The following ADAMTS17 variants were observed in gnomAD, a reference collection of about 807,000 sequenced individuals.
ADAMTS17 encodes the protein A disintegrin and metalloproteinase with thrombospondin motifs 17.
A neutral mutation model predicts 141.5 loss-of-function variants in ADAMTS17; 113 were observed. That is an observed-to-expected ratio of 0.80 (90% confidence interval 0.69 to 0.93). ADAMTS17 has a LOEUF of 0.93. Among genes scored for constraint, ADAMTS17 ranks in the 40% least tolerant of loss-of-function variants. ADAMTS17 has a pLI of 0.00. For synonymous variants in ADAMTS17, 768 were observed against 630.6 expected (o/e 1.22, Z -3.27); for missense variants, 1,659 against 1,517.9 (o/e 1.09, Z -1.54).
chr15:99,982,912 AG>A (rs1476601534), intron 20 of ADAMTS17, among the ~76,000 whole-genome samples: 1 of 152,114 alleles, frequency 6.6e-6, no homozygotes, highest in Non-Finnish European at 1.5e-5. Flanking sequence ...CCAGGCAGGG[AG>A]GGGGTGTCAC....
chr15:100,226,068 G>A (rs1351131269), intron 7 of ADAMTS17, among the ~76,000 whole-genome samples: 1 of 150,910 alleles, frequency 6.6e-6, no homozygotes, highest in Non-Finnish European at 1.5e-5. Context: ...AGCAGTCACG[G>A]TCTCTGTGCC....
In ADAMTS17 at chr15:99,993,132, G is replaced by A. The variant is rs746354760; in HGVS notation, c.2865C>T (p.Cys955=). Residue 955 remains cysteine (C), a synonymous_variant, in exon 20 of 22, where the codon TGC becomes TGT. Coordinates refer to ENST00000268070, the MANE Select transcript of ADAMTS17 (RefSeq NM_139057.4). This position sits in a 1 kb window ranked among gnomAD's most constrained non-coding sequence, Gnocchi z 4.3. ...TVACTNSQGK[C]DASTRPRAEE... The stretch of plus-strand genomic sequence containing the variant: ...CGGCTCTCGGCCTCGTGGATGCGTC[G>A]CATTTCCCTTGTGAGTTGGTGCACG... 33 of 1,613,962 alleles carry A rather than the reference G, an allele frequency of 2.0e-5. No homozygotes were observed. The highest frequency in any genetic ancestry group is 1.6e-4 in the Middle Eastern group (1 of 6,084).
intron 2 of ADAMTS17, among the ~76,000 whole-genome samples, chr15:100,334,266 T>A (rs1468422226): frequency 6.6e-6 from 1 of 152,164 alleles, no homozygotes; most frequent in East Asian, 1.9e-4. Context: ...AAAATGCAGT[T>A]AAGATAACAG....
chr15:99,971,550 T>C lies in ADAMTS17; in HGVS notation c.*2852A>G, dbSNP rs981963339. 15 of 152,372 alleles carry C rather than the reference T, an allele frequency of 9.8e-5. No individual in the cohort carries two copies. Among genetic ancestry groups the C allele is most frequent in the African/African-American group, 3.4e-4 (14 of 41,586 alleles). 9.4% of individuals were successfully genotyped at this position (152,372 alleles called of 1,614,324 possible). On this transcript the variant is annotated 3_prime_UTR_variant, in exon 22 of 22. Transcript: ENST00000268070. ...TCCAATGTTTGTCTTCCGTTTTTTT[T>C]CCTTTCAAAACCAGCCCCAAAAAGT...
intron 18 of ADAMTS17, among the ~76,000 whole-genome samples, chr15:100,008,620 A>C (rs2061088475): frequency 6.6e-6 from 1 of 152,208 alleles, no homozygotes; most frequent in African/African-American, 2.4e-5. Context: ...GGATTATGGC[A>C]TCCTGACAAG....
chr15:100,184,398 G>A (rs1193354669), intron 8 of ADAMTS17, among the ~76,000 whole-genome samples: 1 of 152,202 alleles, frequency 6.6e-6, no homozygotes, highest in Non-Finnish European at 1.5e-5. Flanking sequence ...GGGGCCCCTG[G>A]CCAGTGAGCC....
At position 100,026,736 on chromosome 15, in the gene ADAMTS17, C is replaced by A. The variant is rs555541698; in HGVS notation, c.2591+22121G>T. 3.9e-5 allele frequency among the ~76,000 whole-genome samples: 6 copies of A among 152,330 alleles called. No individual in the cohort carries two copies. The East Asian group carries it at 9.6e-4, about 24-fold the overall frequency. ...TTAAGTCCCTATTAAATGTTTCTTT[C>A]TAAGAAATTGGATTTGTCAGCCTCT... On this transcript the variant is annotated intron_variant, in intron 18 of 21. Transcript: ENST00000268070.
At chr15:100,075,254 A>G (rs1471163478) in intron 15 of ADAMTS17, among the ~76,000 whole-genome samples, 4 of 152,138 alleles carry the variant, frequency 2.6e-5, no homozygotes, top group Admixed American at 2.6e-4. Flanking sequence ...TAATTCCTAT[A>G]GTTGTTTTAG....
chr15:100,140,488 CATAT>C lies in ADAMTS17; in HGVS notation c.1474-7177_1474-7174del, dbSNP rs60035034. Among the ~76,000 whole-genome samples the C allele has an allele frequency of 1.3e-3, 163 of 124,616 alleles. 4 individuals are homozygous for C. The highest frequency in any genetic ancestry group is 2.5e-3 in the African/African-American group (90 of 35,314). 81.8% of individuals were successfully genotyped at this position (124,616 alleles called of 152,430 possible). On this transcript the variant is annotated intron_variant, in intron 10 of 21. Transcript: ENST00000268070. ...ACACACAGACACACACACATACATA[CATAT>C]ATATATATATATATATCCAGTAAAG...
chr15:100,120,385 G>C (rs1213773969), intron 12 of ADAMTS17, among the ~76,000 whole-genome samples: 1 of 152,208 alleles, frequency 6.6e-6, no homozygotes, highest in African/African-American at 2.4e-5. Context: ...TCTGGAGTCA[G>C]GGTGAGCAGT....
intron 20 of ADAMTS17, among the ~76,000 whole-genome samples, chr15:99,987,459 T>C (rs552811012): frequency 2.6e-4 from 39 of 152,336 alleles, no homozygotes; most frequent in African/African-American, 9.4e-4. Context: ...GCACTTTGTC[T>C]GCTGCCTTCA....
chr15:100,151,591 C>A (rs1370848725), intron 10 of ADAMTS17, among the ~76,000 whole-genome samples: 1 of 152,176 alleles, frequency 6.6e-6, no homozygotes, highest in Non-Finnish European at 1.5e-5. Flanking sequence ...GCTGGAATAG[C>A]CCTCCCTCAG....
rs547463513 is a variant in ADAMTS17, at chr15:100,333,823, C to CCTA, written c.451-2770_451-2769insTAG. ...ACTAGCTATGAGCCTGTGCCTTAGA[C>CCTA]ACAAGAGGCCTGCAACCGTCCTCCA... On this transcript the variant is annotated intron_variant, in intron 2 of 21. Transcript: ENST00000268070. 1.4e-4 allele frequency among the ~76,000 whole-genome samples: 21 copies of CCTA among 152,330 alleles called. No homozygotes were observed. The East Asian group carries it at 2.1e-3, about 15-fold the overall frequency.
At chr15:100,281,520 G>A in intron 3 of ADAMTS17, 119 bp from the exon 4 acceptor site, 2 of 1,325,800 alleles carry the variant, frequency 1.5e-6, no homozygotes, top group Non-Finnish European at 2.1e-6. Flanking sequence ...AGGCCTAGAG[G>A]GGCCCAGCAC....
chr15:100,055,004 GA>G (rs928515849), intron 15 of ADAMTS17, among the ~76,000 whole-genome samples: 14 of 151,308 alleles, frequency 9.3e-5, no homozygotes, highest in South Asian at 2.1e-4. Context: ...GTTATTTAGG[GA>G]AAAAAAAATC....
At chr15:100,011,985 C>A (rs556595663) in intron 18 of ADAMTS17, among the ~76,000 whole-genome samples, 1 of 152,320 alleles carries the variant, frequency 6.6e-6, no homozygotes, top group African/African-American at 2.4e-5. Flanking sequence ...TCCATAGTGG[C>A]TGTACTAGTT....
chr15:100,074,102 C>T (rs1305290762), intron 15 of ADAMTS17: 1 of 152,964 alleles, frequency 6.5e-6, no homozygotes, highest in East Asian at 1.9e-4. Context: ...ATATATTTCT[C>T]ACCCATCCAA....
At chr15:100,172,151 T>C (rs1197396747) in intron 8 of ADAMTS17, among the ~76,000 whole-genome samples, 1 of 152,160 alleles carries the variant, frequency 6.6e-6, no homozygotes, top group Non-Finnish European at 1.5e-5. Context: ...CCAGCTCAAT[T>C]TCCGCAAAGC....
chr15:100,084,191 T>G (rs1321350495), intron 15 of ADAMTS17, among the ~76,000 whole-genome samples: 1 of 152,152 alleles, frequency 6.6e-6, no homozygotes, highest in African/African-American at 2.4e-5. Context: ...CACTGGGAGA[T>G]TATATCCCGC....
Sources: allele counts gnomAD v4.1 joint callset (sites outside exome capture counted in the v4.1 genomes callset), GRCh38; gene constraint gnomAD v4.1.1; non-coding constraint Gnocchi (gnomAD v3.1); transcripts MANE v1.5; gene names NCBI Gene and HGNC (gene_info 2026-07-23, HGNC 2026-07-21).